ARPP19: variants seen among roughly 807,000 people sequenced by gnomAD.
ARPP19 encodes cAMP-regulated phosphoprotein 19.
In ARPP19, 8 loss-of-function variants were observed where a neutral mutation model predicts 12.0. The ratio of observed to expected loss-of-function variants is 0.67; its 90% CI spans 0.39 to 1.21. The LOEUF (loss-of-function observed/expected upper bound fraction) is 1.21. Ranked by LOEUF, ARPP19 falls within the 50% of genes most tolerant of loss-of-function variation. The pLI, the probability that ARPP19 is intolerant of heterozygous loss-of-function variation, is 0.01. For synonymous variants in ARPP19, 47 were observed against 50.4 expected, an observed-to-expected ratio of 0.93 and a Z score of 0.29; for missense variants, 102 against 136.3, an observed-to-expected ratio of 0.75 and a Z score of 1.25.
chr15:52,560,463 T>G (rs2078022288), intron 1 of ARPP19, among the ~76,000 whole-genome samples: 1 of 152,250 alleles, frequency 6.6e-6, no homozygotes, highest in Non-Finnish European at 1.5e-5. Flanking sequence ...ATTCTTGAAC[T>G]TTCTTGCCAA....
rs573358125 is a variant in ARPP19 at position 52,552,339 on chromosome 15, G to A, written c.169-235C>T. 1.8e-4 allele frequency among the ~76,000 whole-genome samples: 28 copies of A among 151,858 alleles called. 1 individual carries two copies. The South Asian group carries it at 5.4e-3, about 29-fold the overall frequency. On this transcript the variant is annotated intron_variant, in intron 2 of 2. Transcript: ENST00000249822. ...AATCCCAACACTTTGGGAGGCCAAG[G>A]CAGGCGAAACACTTAAGGTCAGGAG...
intron 1 of ARPP19, among the ~76,000 whole-genome samples, chr15:52,561,469 A>G (rs1490985250): frequency 6.6e-6 from 1 of 152,192 alleles, no homozygotes; most frequent in East Asian, 1.9e-4. Context: ...TAAAAAAGAA[A>G]AGAATACTAT....
At chr15:52,561,738 G>A (rs1367809203) in intron 1 of ARPP19, among the ~76,000 whole-genome samples, 1 of 150,854 alleles carries the variant, frequency 6.6e-6, no homozygotes, top group Admixed American at 6.6e-5. Flanking sequence ...TAACCATACT[G>A]AAGCAACAGA....
intron 1 of ARPP19, among the ~76,000 whole-genome samples, chr15:52,561,345 G>A (rs906401510): frequency 2.0e-5 from 3 of 152,186 alleles, no homozygotes; most frequent in Non-Finnish European, 4.4e-5. Context: ...AGGTTAGGAT[G>A]TAAGGGATAA....
At chr15:52,565,316 T>G (rs1260829365) in intron 1 of ARPP19, among the ~76,000 whole-genome samples, 1 of 152,184 alleles carries the variant, frequency 6.6e-6, no homozygotes, top group African/African-American at 2.4e-5. Context: ...AGAGCCACCC[T>G]GTAGGGCCAG....
chr15:52,552,002 G>C lies in ARPP19; in HGVS notation c.271C>G (p.His91Asp). 6.2e-7 allele frequency: 1 copy of C among 1,611,544 alleles called. No individual in the cohort carries two copies. The highest frequency in any genetic ancestry group is 8.5e-7 in the Non-Finnish European group (1 of 1,177,618). ...APDKTEVTGD[H>D]IPTPQDLPQR... ...GGAAGGTCTTGCGGAGTGGGAATGTGGTCACCAGTGACCTCCGTCTTATCC... is the reference window on the plus strand; with the variant it reads ...GGAAGGTCTTGCGGAGTGGGAATGTCGTCACCAGTGACCTCCGTCTTATCC... Residue 91 changes from histidine to aspartate, a missense_variant, in exon 3 of 3, where the codon CAC (histidine) becomes GAC (aspartate). Coordinates refer to ENST00000249822, the MANE Select transcript of ARPP19 (RefSeq NM_006628.6).
intron 1 of ARPP19, among the ~76,000 whole-genome samples, chr15:52,564,618 C>T (rs1616311): frequency 0.94 from 142,406 of 152,248 alleles, 67,344 homozygotes; most frequent in East Asian, 1. Context: ...ACCTGTATCT[C>T]TTACCTGACA....
At position 52,568,979 on chromosome 15, in the gene ARPP19, C is replaced by T. The variant is rs1158859532; in HGVS notation, c.-87G>A. 1.1e-5 allele frequency: 11 copies of T among 993,166 alleles called. No homozygotes were observed. The highest frequency in any genetic ancestry group is 6.6e-5 in the Admixed American group (2 of 30,424). 61.5% of individuals were successfully genotyped at this position (993,166 alleles called of 1,614,324 possible). On this transcript the variant is annotated 5_prime_UTR_variant, in exon 1 of 3. Transcript: ENST00000249822. The stretch of plus-strand genomic sequence containing the variant: ...CCGGCCGCCGCCCGTCCCAGCTCTC[C>T]CAGGGCCCGCCGGGCCGCCTCCGCC...
At position 52,550,412 on chromosome 15, in the gene ARPP19, C is replaced by T. The variant is rs2077918323; in HGVS notation, c.*1522G>A. The T allele has an allele frequency of 6.6e-6, 1 of 152,106 alleles. No individual in the cohort carries two copies. The highest frequency in any genetic ancestry group is 2.1e-4 in the South Asian group (1 of 4,824). 9.4% of individuals were successfully genotyped at this position (152,106 alleles called of 1,614,324 possible). ...TTGTCATAATTCCTAAAATAATTTA[C>T]CAAAATTCAGCTCATCTTGACATAG... On this transcript the variant is annotated 3_prime_UTR_variant, in exon 3 of 3. Transcript: ENST00000249822.
At chr15:52,552,976 C>G (rs1309543716) in intron 2 of ARPP19, among the ~76,000 whole-genome samples, 3 of 151,874 alleles carry the variant, frequency 2.0e-5, no homozygotes, top group Non-Finnish European at 4.4e-5. Flanking sequence ...ACCCTGGAGG[C>G]TGAGACAAGA....
chr15:52,558,350 T>C (rs1406185430), intron 1 of ARPP19, among the ~76,000 whole-genome samples: 1 of 151,686 alleles, frequency 6.6e-6, no homozygotes, highest in Non-Finnish European at 1.5e-5. Context: ...CTCAAAAGGC[T>C]GAGGCAAAAT....
chr15:52,552,783 A>G (rs910862227), intron 2 of ARPP19, among the ~76,000 whole-genome samples: 7 of 151,872 alleles, frequency 4.6e-5, no homozygotes, highest in Non-Finnish European at 7.4e-5. Flanking sequence ...TAAAACACAT[A>G]ATTTGGCTGG....
chr15:52,564,132 G>A (rs2078059912), intron 1 of ARPP19: 2 of 1,239,656 alleles, frequency 1.6e-6, no homozygotes, highest in Non-Finnish European at 2.3e-6. Flanking sequence ...ACAAACTGTT[G>A]TATCGCAAAC....
rs1275736815 is a variant in ARPP19 at position 52,548,572 on chromosome 15, G to A, written c.*3362C>T. ...TCTCCTGCTCTGTCCTGCCTGGGAT[G>A]TGAATCACCCCTTTGTCCTGCTTAT... is the stretch of plus-strand genomic sequence containing the variant. On this transcript the variant is annotated 3_prime_UTR_variant, in exon 3 of 3. Transcript: ENST00000249822. 5.2e-5 allele frequency: 8 copies of A among 152,486 alleles called. No homozygotes were observed. Among genetic ancestry groups the A allele is most frequent in the Non-Finnish European group, 7.3e-5 (5 of 68,084 alleles). 9.4% of individuals were successfully genotyped at this position (152,486 alleles called of 1,614,324 possible).
chr15:52,561,784 A>G (rs1419866035), intron 1 of ARPP19, among the ~76,000 whole-genome samples: 1 of 151,972 alleles, frequency 6.6e-6, no homozygotes, highest in South Asian at 2.1e-4. Flanking sequence ...ATTAAGGAAA[A>G]AAAAAAAACC....
rs1330503989 is a variant in ARPP19, at chr15:52,547,246, A to G, written c.*4688T>C. On this transcript the variant is annotated 3_prime_UTR_variant, in exon 3 of 3. Coordinates refer to ENST00000249822, the MANE Select transcript of ARPP19 (RefSeq NM_006628.6). ...ACTGCAAATTAAATCAATAGAAATTAGGTAGATCCATTTATTTTTTAAATA... is the reference window on the plus strand; with the variant it reads ...ACTGCAAATTAAATCAATAGAAATTGGGTAGATCCATTTATTTTTTAAATA... 1 of 152,240 alleles carries G rather than the reference A, an allele frequency of 6.6e-6. No individual in the cohort carries two copies. Among genetic ancestry groups the G allele is most frequent in the Non-Finnish European group, 1.5e-5 (1 of 68,036 alleles). 9.4% of individuals were successfully genotyped at this position (152,240 alleles called of 1,614,324 possible).
intron 2 of ARPP19, among the ~76,000 whole-genome samples, chr15:52,552,518 G>A (rs913864704): frequency 1.3e-5 from 2 of 149,968 alleles, no homozygotes; most frequent in African/African-American, 4.9e-5. Context: ...AACCTGGGAG[G>A]TGGAGGCTGC....
chr15:52,561,660 A>G (rs1022673664), intron 1 of ARPP19, among the ~76,000 whole-genome samples: 32 of 151,988 alleles, frequency 2.1e-4, no homozygotes, highest in Admixed American at 2.1e-3. Context: ...AAAAATAAAA[A>G]AAATTTTAAA....
intron 1 of ARPP19, among the ~76,000 whole-genome samples, chr15:52,560,446 C>A (rs969976927): frequency 2.0e-5 from 3 of 152,194 alleles, no homozygotes; most frequent in African/African-American, 7.2e-5. Context: ...TAGAAAAAAA[C>A]AAGCCGATTC....
Sources: allele counts gnomAD v4.1 joint callset (sites outside exome capture counted in the v4.1 genomes callset), GRCh38; gene constraint gnomAD v4.1.1; transcripts MANE v1.5; gene names NCBI Gene and HGNC (gene_info 2026-07-23, HGNC 2026-07-21).